POLRMT: variants seen among roughly 807,000 people sequenced by gnomAD.
The protein encoded by POLRMT is RNA polymerase mitochondrial.
A neutral mutation model predicts 132.2 loss-of-function variants in POLRMT; 114 were observed. That is an observed-to-expected ratio of 0.86 (90% CI 0.74 to 1.01). POLRMT has a LOEUF of 1.01. POLRMT is among the 50% of genes least tolerant of loss of function. The pLI is 0.00. For missense variants in POLRMT, 2,003 were observed against 1,729.1 expected, an observed-to-expected ratio of 1.16 and a Z score of -2.81; for synonymous variants, 1,020 against 773.4, an observed-to-expected ratio of 1.32 and a Z score of -5.29.
rs377209245 is a variant in POLRMT, at chr19:617,649, G to A, written c.3502C>T (p.Arg1168Trp). Residue 1168 changes from arginine (R) to tryptophan (W), a missense_variant, in exon 19 of 21, where the codon CGG becomes TGG. Transcript: ENST00000588649. ...CTGTGCAAGCGGACAAACTGCTCCC[G>A]GCACACCTGGGCAGGAGTCAGAGGA... ...ADVSVMNQVC[R>W]EQFVRLHSEP... 2.5e-5 allele frequency: 40 copies of A among 1,612,316 alleles called. No individual in the cohort carries two copies. The highest frequency in any genetic ancestry group is 1.6e-4 in the Middle Eastern group (1 of 6,084).
At chr19:619,889 T>C in intron 12 of POLRMT, 69 bp downstream of exon 12, 3 of 1,591,380 alleles carry the variant, frequency 1.9e-6, no homozygotes, top group Non-Finnish European at 1.7e-6. Flanking sequence ...TGAGGGCACC[T>C]GGGGCCGAGA....
chr19:620,629 G>C (rs950886895), intron 10 of POLRMT, 142 bp from the exon 11 acceptor site: 26 of 1,113,932 alleles, frequency 2.3e-5, no homozygotes, highest in African/African-American at 1.9e-4. Context: ...GGCGAGAGAC[G>C]GGGCGGTGGC....
rs1985582084 is a variant in POLRMT, at chr19:633,504, T to G, written c.9A>C (p.Ala3=). MS[A]LCWGRGAAGL... is the part of the protein sequence containing the mutation. ...CCGCCGCTCCGCGGCCCCAGCAAAG[T>G]GCCGACATTACGCACGCCGCTCCAG... is the stretch of plus-strand genomic sequence containing the variant. Residue 3 remains alanine, a synonymous_variant, in exon 1 of 21, where the codon GCA becomes GCC. Transcript: ENST00000588649. 8.7e-7 allele frequency: 1 copy of G among 1,143,876 alleles called. No homozygotes were observed. The highest frequency in any genetic ancestry group is 2.9e-4 in the Middle Eastern group (1 of 3,436). 70.9% of individuals were successfully genotyped at this position (1,143,876 alleles called of 1,614,324 possible).
chr19:622,018 G>GT, intron 9 of POLRMT, 131 bp downstream of exon 9: 1 of 1,148,880 alleles, frequency 8.7e-7, no homozygotes, highest in Non-Finnish European at 1.2e-6. Context: ...GACACCCATG[G>GT]TGTGTCCCGA....
intron 13 of POLRMT, 98 bp from the exon 14 acceptor site, chr19:619,394 C>A: frequency 1.4e-6 from 2 of 1,444,858 alleles, no homozygotes; most frequent in Non-Finnish European, 9.6e-7. Context: ...AGGCCTAGGG[C>A]CTAGCAGGGG....
intron 5 of POLRMT, 143 bp from the exon 6 acceptor site, chr19:623,746 G>A (rs1021569758): frequency 6.6e-6 from 7 of 1,054,914 alleles, no homozygotes; most frequent in African/African-American, 3.2e-5. Flanking sequence ...AAGGCGGGCT[G>A]CGGGTAAAGT....
In POLRMT at chr19:633,529, G is replaced by GGCTCCGCCGCCGCCGCCGCC; in HGVS notation, c.-18_-17insGGCGGCGGCGGCGGCGGAGC. 2.0e-6 allele frequency: 3 copies of GGCTCCGCCGCCGCCGCCGCC among 1,463,692 alleles called. 1 individual carries two copies. The South Asian group carries it at 4.9e-5, about 24-fold the overall frequency. The allele number at this position is 1,463,692 out of a possible 1,614,324, so 90.7% of individuals were successfully genotyped here. A position where few individuals can be genotyped will look rare whatever the true frequency, so the allele number is the denominator to read the frequency against. On this transcript the variant is annotated 5_prime_UTR_variant, in exon 1 of 21. Transcript: ENST00000588649. The stretch of plus-strand genomic sequence containing the variant: ...TGCCGACATTACGCACGCCGCTCCA[G>GGCTCCGCCGCCGCCGCCGCC]GCCACCCCACCGGCCCGCGCCTGCG...
In POLRMT at chr19:620,955, A is replaced by T. The variant is rs1478188917; in HGVS notation, c.2640+103T>A. On this transcript the variant is annotated intron_variant, in intron 10 of 20. Transcript: ENST00000588649. ...GCCAGGGGAGGGGGAGGGGAGGAGG[A>T]AGACGGGCAGGGGGCGCGGGGGCGC... The T allele has an allele frequency of 1.6e-5, 6 of 366,820 alleles. 1 individual carries two copies. Among genetic ancestry groups the T allele is most frequent in the Non-Finnish European group, 2.3e-5 (6 of 262,436 alleles). The allele number at this position is 366,820 out of a possible 1,614,324, so 22.7% of individuals were successfully genotyped here. A position where few individuals can be genotyped will look rare whatever the true frequency, so the allele number is the denominator to read the frequency against.
intron 6 of POLRMT, 128 bp downstream of exon 6, chr19:623,326 C>G: frequency 6.9e-7 from 1 of 1,453,362 alleles, no homozygotes; most frequent in Non-Finnish European, 9.1e-7. Flanking sequence ...AGCTCAGCCC[C>G]TGCGGCGGAC....
chr19:625,868 A>AT (rs1341129406), intron 3 of POLRMT, among the ~76,000 whole-genome samples: 3 of 151,794 alleles, frequency 2.0e-5, no homozygotes, highest in Non-Finnish European at 2.9e-5. Context: ...ACACCAGCTA[A>AT]TTTTTTGTAT....
At position 622,842 on chromosome 19, in the gene POLRMT, C is replaced by G. The variant is rs1555676049; in HGVS notation, c.1434G>C (p.Glu478Asp). 46 of 1,601,244 alleles carry G rather than the reference C, an allele frequency of 2.9e-5. No individual in the cohort carries two copies. Among genetic ancestry groups the G allele is most frequent in the South Asian group, 5.6e-5 (5 of 89,356 alleles). The change falls in exon 7 of 21, where the codon GAG becomes GAC. Residue 478 changes from glutamate to aspartate, a missense_variant. Coordinates refer to ENST00000588649, the MANE Select transcript of POLRMT (RefSeq NM_005035.4). ...YPFLCLLDER[E>D]VVRMLLQVLQ... ...GCACCTGCAGGAGCATCCGCACCAC[C>G]TCGCGCTCGTCCAGCAGGCACAGGA...
chr19:633,108 G>A (rs1440870400), intron 1 of POLRMT, 170 bp from the exon 2 acceptor site: 4 of 629,842 alleles, frequency 6.4e-6, no homozygotes, highest in South Asian at 2.4e-5. Context: ...GAAGGGCCCC[G>A]CCGCGGCGAA....
chr19:623,331 G>A, intron 6 of POLRMT, 123 bp downstream of exon 6: 1 of 1,466,706 alleles, frequency 6.8e-7, no homozygotes, highest in Non-Finnish European at 9.0e-7. Context: ...AGCCCCTGCG[G>A]CGGACACGCG....
intron 1 of POLRMT, chr19:633,186 C>A: frequency 1.7e-6 from 1 of 599,418 alleles, no homozygotes; most frequent in South Asian, 2.7e-5. Flanking sequence ...GGTTAAGAGC[C>A]CTAAACACCA....
At chr19:620,607 G>A (rs1313635059) in intron 10 of POLRMT, 120 bp from the exon 11 acceptor site, 17 of 1,268,664 alleles carry the variant, frequency 1.3e-5, no homozygotes, top group South Asian at 1.6e-5. Flanking sequence ...TAGTGAACAC[G>A]GGACGCATGT....
Position 618,601 on chromosome 19 carries a change from G to A in POLRMT, c.3324-15C>T, listed in dbSNP as rs372555799. The A allele has an allele frequency of 4.5e-5, 73 of 1,606,386 alleles. No individual in the cohort carries two copies. Among genetic ancestry groups the A allele is most frequent in the Non-Finnish European group, 6.0e-5 (70 of 1,174,120 alleles). ...TGTTGGGCTTTCTGAGGACGGAACAGGTGCCGGTGGGGGCGGCCCAGGGAC... is the reference window on the plus strand; with the variant it reads ...TGTTGGGCTTTCTGAGGACGGAACAAGTGCCGGTGGGGGCGGCCCAGGGAC... On this transcript the variant is annotated splice_polypyrimidine_tract_variant and intron_variant, in intron 16 of 20. Coordinates refer to ENST00000588649, the MANE Select transcript of POLRMT (RefSeq NM_005035.4).
At position 622,293 on chromosome 19, in the gene POLRMT, C is replaced by T; in HGVS notation, c.1707G>A (p.Leu569=). The T allele has an allele frequency of 6.4e-7, 1 of 1,565,846 alleles. No homozygotes were observed. The highest frequency in any genetic ancestry group is 1.2e-5 in the South Asian group (1 of 85,660). The change falls in exon 9 of 21, where the codon CTG becomes CTA. Residue 569 remains leucine (L), a synonymous_variant. Transcript: ENST00000588649. ...GCTTGCCCAGCTCCATCTGCACTGG[C>T]AGGGGCCAGGGCTGCTCCCGCAGGG... ...PEALREQPWP[L]PVQMELGKLL...
Position 622,462 on chromosome 19 carries a change from G to A in POLRMT, c.1627-89C>T, listed in dbSNP as rs1349522804. 5.5e-6 allele frequency: 8 copies of A among 1,464,406 alleles called. No homozygotes were observed. In the Admixed American group the frequency reaches 7.5e-5, roughly 14 times the overall value. 90.7% of individuals were successfully genotyped at this position (1,464,406 alleles called of 1,614,324 possible). On this transcript the variant is annotated intron_variant, in intron 8 of 20. Transcript: ENST00000588649. ...GTGCCTGACGCCCGGTGGGGCATCT[G>A]TCAGCCCAAGCATACAGATGAACAG...
At chr19:618,082 C>G (rs528559815) in intron 17 of POLRMT, 1 of 584,516 alleles carries the variant, frequency 1.7e-6, no homozygotes, top group South Asian at 2.0e-5. Context: ...CCGCCCCCCA[C>G]GCTGCTGTGG....
Sources: allele counts gnomAD v4.1 joint callset (sites outside exome capture counted in the v4.1 genomes callset), GRCh38; gene constraint gnomAD v4.1.1; transcripts MANE v1.5; gene names NCBI Gene and HGNC (gene_info 2026-07-23, HGNC 2026-07-21).